HRNR: variants seen among roughly 807,000 people sequenced by gnomAD.
HRNR encodes the protein hornerin.
HRNR carries 7 observed loss-of-function variants against 4.8 expected under a neutral mutation model. The ratio of observed to expected loss-of-function variants is 1.47; its 90% CI spans 0.83 to 2.75. The LOEUF (loss-of-function observed/expected upper bound fraction) is 2.75, where lower values mean the gene tolerates loss of function less well. HRNR is among the 30% of genes most tolerant of loss of function. The probability of loss-of-function intolerance (pLI) is 0.00; values close to 1 mark genes in which losing one functional copy is unlikely to be tolerated. For synonymous variants in HRNR, 1,023 were observed against 1,242.7 expected, an observed-to-expected ratio of 0.82 and a Z score of 3.72; for missense variants, 2,879 against 3,010.4, an observed-to-expected ratio of 0.96 and a Z score of 1.02.
In HRNR at chr1:152,218,575, G is replaced by A. The variant is rs74868796; in HGVS notation, c.3054C>T (p.Ser1018=). The change falls in exon 3 of 3, where the codon TCC becomes TCT. Residue 1018 remains serine (S), a synonymous_variant. Coordinates refer to ENST00000368801, the MANE Select transcript of HRNR (RefSeq NM_001009931.3). ...ATGGGCCATAGCTGGAAGACTGCCC[G>A]GAACCAGACCCATGTCGGCCACGGC... The part of the protein sequence containing the change: ...SPSRGRHGSG[S]GQSSSYGPYR... 124,843 of 1,608,542 alleles carry A rather than the reference G, an allele frequency of 0.078. 6,478 individuals carry two copies. Among genetic ancestry groups the A allele is most frequent in the Non-Finnish European group, 0.087 (101,873 of 1,175,676 alleles).
Position 152,219,970 on chromosome 1 carries a change from C to T in HRNR, c.1659G>A (p.Arg553=). ...PSRGRHESGS[R]QSSSYGPHGY... ...CATGTGGGCCATAGCTGGAAGACTG[C>T]CTGGAACCAGACTCATGTCGGCCAC... The change falls in exon 3 of 3, where the codon AGG becomes AGA. Residue 553 remains arginine, a synonymous_variant. Transcript: ENST00000368801. The T allele has an allele frequency of 1.2e-6, 2 of 1,612,876 alleles. No homozygotes were observed. The highest frequency in any genetic ancestry group is 1.3e-5 in the African/African-American group (1 of 74,560).
Position 152,218,431 on chromosome 1 carries a change from A to T in HRNR, c.3198T>A (p.His1066Gln). The change falls in exon 3 of 3, where the codon CAT becomes CAA. Residue 1066 changes from histidine to glutamine, a missense_variant. Coordinates refer to ENST00000368801, the MANE Select transcript of HRNR (RefSeq NM_001009931.3). ...RSGQSSGYGQ[H>Q]GSSSGHSSTH... The stretch of plus-strand genomic sequence containing the variant: ...TAGAGGAATGACCTGAGCTAGATCC[A>T]TGTTGACCGTAGCCAGAGGACTGTC... The T allele has an allele frequency of 1.9e-6, 3 of 1,613,492 alleles. No individual in the cohort carries two copies. The highest frequency in any genetic ancestry group is 2.5e-6 in the Non-Finnish European group (3 of 1,179,964).
At position 152,221,139 on chromosome 1, in the gene HRNR, C is replaced by A. The variant is rs1190126516; in HGVS notation, c.490G>T (p.Asp164Tyr). 3 of 1,614,106 alleles carry A rather than the reference C, an allele frequency of 1.9e-6. No homozygotes were observed. The African/African-American group carries it at 4.0e-5, about 22-fold the overall frequency. ...SISRRLSFQR[D>Y]FSGQHNSYSG... ...TAGGAGTTATGTTGGCCAGAAAAGT[C>A]TCTTTGAAAACTCAGTCTTCTGGAT... Residue 164 changes from aspartate to tyrosine, a missense_variant, in exon 3 of 3, where the codon GAC becomes TAC. This residue lies in a region of HRNR where 2,646 missense variants were observed against 1,377.7 expected (regional missense o/e 1.92). Transcript: ENST00000368801.
rs749747951 is a variant in HRNR at position 152,213,550 on chromosome 1, G to C, written c.8079C>G (p.Val2693=). 8.4e-6 allele frequency: 11 copies of C among 1,303,954 alleles called. 2 individuals carry two copies. The highest frequency in any genetic ancestry group is 1.2e-5 in the Non-Finnish European group (11 of 941,402). 80.8% of individuals were successfully genotyped at this position (1,303,954 alleles called of 1,614,324 possible). Residue 2693 remains valine, a synonymous_variant, in exon 3 of 3, where the codon GTC becomes GTG. Coordinates refer to ENST00000368801, the MANE Select transcript of HRNR (RefSeq NM_001009931.3). ...CTGAGCCAGACTCATGTTGACCAAAGACAGAAGAGTGACCCAAGCGAGACT... is the reference window on the plus strand; with the variant it reads ...CTGAGCCAGACTCATGTTGACCAAACACAGAAGAGTGACCCAAGCGAGACT... ...PYESRLGHSS[V]FGQHESGSGH...
At chr1:152,221,782 T>C (rs1323180999) in intron 2 of HRNR, among the ~76,000 whole-genome samples, 1 of 152,218 alleles carries the variant, frequency 6.6e-6, no homozygotes, top group African/African-American at 2.4e-5. Context: ...TTAGCTAATT[T>C]ATAAGTAATA....
rs1233417282 is a variant in HRNR at position 152,218,513 on chromosome 1, G to C, written c.3116C>G (p.Pro1039Arg). 6.2e-7 allele frequency: 1 copy of C among 1,613,038 alleles called. No homozygotes were observed. The highest frequency in any genetic ancestry group is 8.5e-7 in the Non-Finnish European group (1 of 1,179,824). Reference protein sequence around the residue: ...SGSGWSSSRGPYESGSGHSSG... With the variant: ...SGSGWSSSRGRYESGSGHSSG... ...AGAGTGACCGGAGCCAGACTCATAT[G>C]GGCCACGGCTTGAAGACCACCCTGA... Residue 1039 changes from proline to arginine, a missense_variant, in exon 3 of 3, where the codon CCA (proline) becomes CGA (arginine). By Grantham distance (103) the Pro-to-Arg change is moderately radical (BLOSUM62 -2). Coordinates refer to ENST00000368801, the MANE Select transcript of HRNR (RefSeq NM_001009931.3).
chr1:152,218,505 A>G lies in HRNR; in HGVS notation c.3124T>C (p.Ser1042Pro). ...AAGCCAGAAGAGTGACCGGAGCCAG[A>G]CTCATATGGGCCACGGCTTGAAGAC... ...GWSSSRGPYE[S>P]GSGHSSGLGH... Residue 1042 changes from serine (S) to proline (P), a missense_variant, in exon 3 of 3, where the codon TCT becomes CCT. Physicochemically the swap from Ser to Pro is moderately conservative, Grantham distance 74 (BLOSUM62 -1). Coordinates refer to ENST00000368801, the MANE Select transcript of HRNR (RefSeq NM_001009931.3). The G allele has an allele frequency of 6.2e-7, 1 of 1,613,308 alleles. No individual in the cohort carries two copies. Among genetic ancestry groups the G allele is most frequent in the African/African-American group, 1.3e-5 (1 of 74,636 alleles).
rs1286959206 is a variant in HRNR, at chr1:152,213,140, C to A, written c.8489G>T (p.Ser2830Ile). 2 of 1,613,880 alleles carry A rather than the reference C, an allele frequency of 1.2e-6. No homozygotes were observed. The highest frequency in any genetic ancestry group is 1.7e-6 in the Non-Finnish European group (2 of 1,180,046). ...DGGSSGSYFLSFPSSTSPYEY... is the reference protein window; with the variant it reads ...DGGSSGSYFLIFPSSTSPYEY... ...ATAGGGTGAAGTGCTACTAGGAAAA[C>A]TGAGAAAATATGAGCCAGAACTTCC... Residue 2830 changes from serine (S) to isoleucine (I), a missense_variant, in exon 3 of 3, where the codon AGT becomes ATT. Ser to Ile is a moderately radical substitution (Grantham distance 142). This residue lies in a region of HRNR where 158 missense variants were observed against 107.6 expected (regional missense o/e 1.47). Coordinates refer to ENST00000368801, the MANE Select transcript of HRNR (RefSeq NM_001009931.3).
rs1346210225 is a variant in HRNR at position 152,220,248 on chromosome 1, A to C, written c.1381T>G (p.Tyr461Asp). 6.2e-7 allele frequency: 1 copy of C among 1,612,528 alleles called. No individual in the cohort carries two copies. The highest frequency in any genetic ancestry group is 8.5e-7 in the Non-Finnish European group (1 of 1,179,402). ...TCGTGGTGACCAAAGCCAGAAGAGT[A>C]GCCTGAACCAGACACATATGGGCCA... Reference protein sequence around the residue: ...SSGPYVSGSGYSSGFGHHESS... With the variant: ...SSGPYVSGSGDSSGFGHHESS... Residue 461 changes from tyrosine (Y) to aspartate (D), a missense_variant, in exon 3 of 3, where the codon TAC becomes GAC. Tyr to Asp is a radical substitution (Grantham distance 160). This residue lies in a region of HRNR where 2,646 missense variants were observed against 1,377.7 expected (regional missense o/e 1.92). Coordinates refer to ENST00000368801, the MANE Select transcript of HRNR (RefSeq NM_001009931.3).
intron 1 of HRNR, 104 bp downstream of exon 1, chr1:152,224,039 A>T (rs1279834924): frequency 6.6e-6 from 1 of 152,166 alleles, no homozygotes; most frequent in African/African-American, 2.4e-5. Flanking sequence ...GAGTATACTA[A>T]AAAGAAGCCT....
At chr1:152,223,591 C>G (rs1365737441) in intron 1 of HRNR, among the ~76,000 whole-genome samples, 2 of 152,178 alleles carry the variant, frequency 1.3e-5, no homozygotes, top group East Asian at 3.8e-4. Flanking sequence ...CTGTAGAAGT[C>G]CTGAGTGTTC....
In HRNR at chr1:152,212,721, G is replaced by A. The variant is rs1648429683; in HGVS notation, c.*355C>T. ...AATATTTTGCTTCTAAGAAATGTAA[G>A]GTTAGCTTTGGCACCATCTATAAAT... On this transcript the variant is annotated 3_prime_UTR_variant, in exon 3 of 3. Coordinates refer to ENST00000368801, the MANE Select transcript of HRNR (RefSeq NM_001009931.3). 1 of 280,224 alleles carries A rather than the reference G, an allele frequency of 3.6e-6. No individual in the cohort carries two copies. Among genetic ancestry groups the A allele is most frequent in the Admixed American group, 4.9e-5 (1 of 20,252 alleles). The allele number at this position is 280,224 out of a possible 1,614,324, so 17.4% of individuals were successfully genotyped here.
chr1:152,223,234 C>A lies in HRNR; in HGVS notation c.20G>T (p.Gly7Val), dbSNP rs748337947. MPKLLQ[G>V]VITVIDVFYQ... ...GAAAACATCGATGACAGTGATGACG[C>A]CTTGTAGGAGTTTAGGCATTTTTTT... is the stretch of plus-strand genomic sequence containing the variant. Residue 7 changes from glycine (G) to valine (V), a missense_variant, in exon 2 of 3, where the codon GGC (glycine) becomes GTC (valine). Coordinates refer to ENST00000368801, the MANE Select transcript of HRNR (RefSeq NM_001009931.3). 9 of 1,583,260 alleles carry A rather than the reference C, an allele frequency of 5.7e-6. No individual in the cohort carries two copies. Among genetic ancestry groups the A allele is most frequent in the South Asian group, 3.4e-5 (3 of 88,804 alleles).
chr1:152,222,659 C>G (rs142487468), intron 2 of HRNR, among the ~76,000 whole-genome samples: 1 of 152,270 alleles, frequency 6.6e-6, no homozygotes, highest in Non-Finnish European at 1.5e-5. Context: ...ATCTGAATAT[C>G]ATATCTGAAA....
rs142961591 is a variant in HRNR at position 152,219,408 on chromosome 1, G to T, written c.2221C>A (p.Gln741Lys). ...GACAAACCTGAGCTAGATCCGTGTTGTTCACTCCTAGATGACTGTCCTGAC... is the reference window on the plus strand; with the variant it reads ...GACAAACCTGAGCTAGATCCGTGTTTTTCACTCCTAGATGACTGTCCTGAC... ...SRSGQSSRSE[Q>K]HGSSSGLSSS... is the part of the protein sequence containing the mutation. The change falls in exon 3 of 3, where the codon CAA becomes AAA. Residue 741 changes from glutamine (Q) to lysine (K), a missense_variant. This residue lies in a region of HRNR where 2,646 missense variants were observed against 1,377.7 expected (regional missense o/e 1.92). Coordinates refer to ENST00000368801, the MANE Select transcript of HRNR (RefSeq NM_001009931.3). 59 of 1,613,962 alleles carry T rather than the reference G, an allele frequency of 3.7e-5. No homozygotes were observed. The highest frequency in any genetic ancestry group is 5.3e-5 in the African/African-American group (4 of 74,890).
At position 152,212,966 on chromosome 1, in the gene HRNR, AC is replaced by A. The variant is rs770437502; in HGVS notation, c.*109del. 7.7e-6 allele frequency: 11 copies of A among 1,429,954 alleles called. No individual in the cohort carries two copies. The highest frequency in any genetic ancestry group is 9.4e-6 in the Non-Finnish European group (10 of 1,065,152). 88.6% of individuals were successfully genotyped at this position (1,429,954 alleles called of 1,614,324 possible). A position where few individuals can be genotyped will look rare whatever the true frequency, so the allele number is the denominator to read the frequency against. ...GAAAGAGACAGAAATGCATTGATTCACTTTTAGAACGAATTTCATGATGGAT... is the reference window on the plus strand; with the variant it reads ...GAAAGAGACAGAAATGCATTGATTCATTTTAGAACGAATTTCATGATGGAT... On this transcript the variant is annotated 3_prime_UTR_variant, in exon 3 of 3. Transcript: ENST00000368801.
In HRNR at chr1:152,221,247, T is replaced by TA. The variant is rs773571019; in HGVS notation, c.381dup (p.Ser128Ter). 1.2e-6 allele frequency: 2 copies of TA among 1,614,138 alleles called. No homozygotes were observed. The highest frequency in any genetic ancestry group is 1.7e-6 in the Non-Finnish European group (2 of 1,180,032). On this transcript the variant is annotated frameshift_variant, in exon 3 of 3. Transcript: ENST00000368801. LOFTEE classifies it low-confidence loss of function (END_TRUNC). ...TCTCCTGCACTCCAACTTGAATGAC[T>TA]AAAAGAGGATTCTTGCCGTTTGTTC...
In HRNR at chr1:152,220,284, A is replaced by T; in HGVS notation, c.1345T>A (p.Ser449Thr). The change falls in exon 3 of 3, where the codon TCT (serine) becomes ACT (threonine). Residue 449 changes from serine to threonine, a missense_variant. Ser to Thr is a moderately conservative substitution (Grantham distance 58). Around this residue, in one of 8 missense-constraint regions of HRNR, gnomAD observed 2,646 missense variants for 1,377.7 expected, o/e 1.92. Transcript: ENST00000368801. Reference sequence around the variant, plus strand: ...GACACATATGGGCCACTGCTGGAAGATCGACCAAAGCCAGTCCCATGTTGG... The same window carrying T: ...GACACATATGGGCCACTGCTGGAAGTTCGACCAAAGCCAGTCCCATGTTGG... ...SGQHGTGFGRSSSSGPYVSGS... is the reference protein window; with the variant it reads ...SGQHGTGFGRTSSSGPYVSGS... 1 of 1,613,974 alleles carries T rather than the reference A, an allele frequency of 6.2e-7. No homozygotes were observed. The highest frequency in any genetic ancestry group is 8.5e-7 in the Non-Finnish European group (1 of 1,179,976).
Position 152,218,568 on chromosome 1 carries a change from A to T in HRNR, c.3061T>A (p.Ser1021Thr), listed in dbSNP as rs541386099. The change falls in exon 3 of 3, where the codon TCT (serine) becomes ACT (threonine). Residue 1021 changes from serine (S) to threonine (T), a missense_variant. Physicochemically the swap from Ser to Thr is moderately conservative, Grantham distance 58. Transcript: ENST00000368801. Reference protein sequence around the residue: ...RGRHGSGSGQSSSYGPYRSGS... With the variant: ...RGRHGSGSGQTSSYGPYRSGS... ...GACCTATATGGGCCATAGCTGGAAG[A>T]CTGCCCGGAACCAGACCCATGTCGG... 8.3e-5 allele frequency: 134 copies of T among 1,613,752 alleles called. 1 individual carries two copies. In the South Asian group the frequency reaches 1.3e-3, roughly 16 times the overall value.
Sources: gnomAD v4.1 joint callset for allele counts (sites outside exome capture counted in the v4.1 genomes callset) on GRCh38, gnomAD v4.1.1 for gene constraint, gnomAD v4.1.1 regional missense constraint, MANE v1.5 for transcripts, NCBI Gene and HGNC (gene_info 2026-07-23, HGNC 2026-07-21) for gene names.